Variants in XPNPEP3 observed in about 807,000 individuals in gnomAD.
XPNPEP3 encodes the protein X-prolyl aminopeptidase 3, also known as xaa-Pro aminopeptidase 3.
Under a neutral mutation model 60.0 loss-of-function variants are expected in XPNPEP3, and 41 were observed. The observed-to-expected ratio is 0.68, with a 90% CI of 0.53 to 0.89. XPNPEP3 has a LOEUF of 0.89. Ranked by LOEUF, XPNPEP3 falls within the 40% of genes least tolerant of loss-of-function variation. XPNPEP3 has a pLI of 0.00. For synonymous variants in XPNPEP3, 212 were observed against 223.2 expected (o/e 0.95, Z 0.45); for missense variants, 598 against 638.9 (o/e 0.94, Z 0.69).
At chr22:40,860,962 T>G in intron 1 of XPNPEP3, 2 of 1,108,182 alleles carry the variant, frequency 1.8e-6, no homozygotes, top group Non-Finnish European at 1.3e-6. Flanking sequence ...CTGCTAAAAG[T>G]GTTGAAAAGC....
At chr22:40,924,274 T>C in intron 8 of XPNPEP3, 88 bp from the exon 9 acceptor site, 2 of 1,555,070 alleles carry the variant, frequency 1.3e-6, no homozygotes, top group Non-Finnish European at 8.9e-7. Context: ...GGGGAGATAA[T>C]AACACATATC....
chr22:40,863,778 A>G (rs943103079), intron 1 of XPNPEP3, among the ~76,000 whole-genome samples: 2 of 152,254 alleles, frequency 1.3e-5, no homozygotes, highest in Non-Finnish European at 2.9e-5. Flanking sequence ...TTTTATGCCC[A>G]TAAGAAAACA....
At chr22:40,886,854 A>G (rs1350695480) in intron 4 of XPNPEP3, among the ~76,000 whole-genome samples, 2 of 151,786 alleles carry the variant, frequency 1.3e-5, no homozygotes, top group Non-Finnish European at 2.9e-5. Flanking sequence ...CAAGAAAAAA[A>G]GAAAAAGTTT....
At chr22:40,888,860 T>C (rs1213051221) in intron 4 of XPNPEP3, among the ~76,000 whole-genome samples, 1 of 152,144 alleles carries the variant, frequency 6.6e-6, no homozygotes, top group African/African-American at 2.4e-5. Flanking sequence ...TTTCAATTTC[T>C]CCACTCTACA....
intron 6 of XPNPEP3, among the ~76,000 whole-genome samples, chr22:40,910,199 A>G (rs968964519): frequency 6.6e-6 from 1 of 152,126 alleles, no homozygotes; most frequent in African/African-American, 2.4e-5. Context: ...AACAGTAGCA[A>G]TACAACACAC....
In XPNPEP3 at chr22:40,922,362, A is replaced by C. The variant is rs147185156; in HGVS notation, c.1085A>C (p.Glu362Ala). 3.7e-5 allele frequency: 60 copies of C among 1,613,892 alleles called. No homozygotes were observed. The highest frequency in any genetic ancestry group is 5.0e-5 in the Non-Finnish European group (59 of 1,179,844). Residue 362 changes from glutamate to alanine, a missense_variant, in exon 8 of 10, where the codon GAA (glutamate) becomes GCA (alanine). Transcript: ENST00000357137. Reference protein sequence around the residue: ...RFTAPQAELYEAVLEIQRDCL... With the variant: ...RFTAPQAELYAAVLEIQRDCL... Reference sequence around the variant, plus strand: ...ACCGCACCTCAGGCAGAACTCTATGAAGCCGTTCTAGAGATCCAAAGAGAT... The same window carrying C: ...ACCGCACCTCAGGCAGAACTCTATGCAGCCGTTCTAGAGATCCAAAGAGAT...
At chr22:40,916,247 G>C (rs892010206) in intron 7 of XPNPEP3, among the ~76,000 whole-genome samples, 1 of 151,486 alleles carries the variant, frequency 6.6e-6, no homozygotes, top group South Asian at 2.1e-4. Flanking sequence ...AGCCGAGATT[G>C]TACCACTGCA....
intron 1 of XPNPEP3, chr22:40,861,781 C>T: frequency 6.2e-7 from 1 of 1,613,494 alleles, no homozygotes; most frequent in Non-Finnish European, 8.5e-7. Context: ...CCGTTTAATC[C>T]TTCTGTGCCA....
intron 4 of XPNPEP3, among the ~76,000 whole-genome samples, 159 bp from the exon 5 acceptor site, chr22:40,907,428 A>C (rs1220852189): frequency 2.6e-5 from 4 of 152,206 alleles, no homozygotes; most frequent in Non-Finnish European, 5.9e-5. Flanking sequence ...CTCAAAAAAA[A>C]AACAAAAAAA....
At chr22:40,906,321 TA>T (rs1160341118) in intron 4 of XPNPEP3, among the ~76,000 whole-genome samples, 1 of 151,008 alleles carries the variant, frequency 6.6e-6, no homozygotes, top group African/African-American at 2.4e-5. Flanking sequence ...CTTAGGAGGC[TA>T]AGGCGGGAGG....
At chr22:40,865,478 G>T (rs1456128181) in intron 1 of XPNPEP3, among the ~76,000 whole-genome samples, 1 of 151,766 alleles carries the variant, frequency 6.6e-6, no homozygotes, top group Non-Finnish European at 1.5e-5. Context: ...ACAGGCATGT[G>T]CCACCATGCC....
chr22:40,897,830 C>T (rs1477520749), intron 4 of XPNPEP3, among the ~76,000 whole-genome samples: 1 of 152,100 alleles, frequency 6.6e-6, no homozygotes, highest in Admixed American at 6.6e-5. Flanking sequence ...ATTTCATTAA[C>T]AGCTAGTGAT....
chr22:40,860,979 T>TAA, intron 1 of XPNPEP3: 65 of 1,268,926 alleles, frequency 5.1e-5, no homozygotes, highest in Non-Finnish European at 6.1e-5. Context: ...AAGCTCTTAG[T>TAA]ATAGTATTAA....
At chr22:40,907,067 T>C (rs1038845555) in intron 4 of XPNPEP3, 6 of 456,204 alleles carry the variant, frequency 1.3e-5, no homozygotes, top group Non-Finnish European at 2.6e-5. Context: ...GGGGATTAAA[T>C]TGCAACGTGA....
intron 4 of XPNPEP3, among the ~76,000 whole-genome samples, chr22:40,893,985 T>C (rs530466366): frequency 3.9e-5 from 6 of 152,300 alleles, no homozygotes; most frequent in African/African-American, 1.4e-4. Flanking sequence ...AGACTGGCTA[T>C]TGCCTAGCTC....
intron 2 of XPNPEP3, among the ~76,000 whole-genome samples, chr22:40,877,881 CCTT>C (rs1423721329): frequency 5.3e-5 from 8 of 152,154 alleles, no homozygotes; most frequent in Admixed American, 6.5e-5. Flanking sequence ...TTTTTTTCCT[CCTT>C]CACATGGAAA....
chr22:40,926,401 A>G lies in XPNPEP3; in HGVS notation c.1490A>G (p.Asn497Ser), dbSNP rs775513320. The G allele has an allele frequency of 1.2e-6, 2 of 1,614,162 alleles. No individual in the cohort carries two copies. The highest frequency in any genetic ancestry group is 1.7e-4 in the Middle Eastern group (1 of 6,060). Residue 497 changes from asparagine to serine, a missense_variant, in exon 10 of 10, where the codon AAT becomes AGT. Physicochemically the swap from Asn to Ser is conservative, Grantham distance 46. Coordinates refer to ENST00000357137, the MANE Select transcript of XPNPEP3 (RefSeq NM_022098.4). ...ILSADCPKEM[N>S]DIEQICSQAS ...TCTGCAGACTGTCCCAAAGAGATGAATGACATTGAACAGATATGCAGCCAG... is the reference window on the plus strand; with the variant it reads ...TCTGCAGACTGTCCCAAAGAGATGAGTGACATTGAACAGATATGCAGCCAG...
chr22:40,873,669 C>T (rs1316088461), intron 2 of XPNPEP3, among the ~76,000 whole-genome samples: 1 of 151,976 alleles, frequency 6.6e-6, no homozygotes, highest in African/African-American at 2.4e-5. Flanking sequence ...GTCCTAGCTA[C>T]GCCTATAATC....
chr22:40,881,682 A>T, intron 2 of XPNPEP3, 88 bp from the exon 3 acceptor site: 1 of 1,450,852 alleles, frequency 6.9e-7, no homozygotes. Context: ...GAACAATTGG[A>T]CTTGAGTATT....
Sources: gnomAD v4.1 joint callset for allele counts (sites outside exome capture counted in the v4.1 genomes callset) on GRCh38, gnomAD v4.1.1 for gene constraint, MANE v1.5 for transcripts, NCBI Gene and HGNC (gene_info 2026-07-23, HGNC 2026-07-21) for gene names.